The following TBL1X variants were observed in gnomAD, a reference collection of about 807,000 sequenced individuals.
The protein encoded by TBL1X is transducin beta like 1 X-linked, also known as F-box-like/WD repeat-containing protein TBL1X.
TBL1X carries 10 observed loss-of-function variants against 50.7 expected under a neutral mutation model. That is an observed-to-expected ratio of 0.20 (90% CI 0.12 to 0.33). TBL1X has a LOEUF of 0.33. Ranked by LOEUF, TBL1X falls within the 10% of genes least tolerant of loss-of-function variation. The probability of loss-of-function intolerance (pLI) is 1.00; values close to 1 mark genes in which losing one functional copy is unlikely to be tolerated. For missense variants in TBL1X, 340 were observed against 504.4 expected, an observed-to-expected ratio of 0.67 and a Z score of 3.12; for synonymous variants, 190 against 214.7, an observed-to-expected ratio of 0.88 and a Z score of 1.01.
intron 7 of TBL1X, among the ~76,000 whole-genome samples, chrX:9,690,950 G>T (rs1458586853): frequency 9.0e-6 from 1 of 110,812 alleles, no homozygotes. Context: ...TTGCTATGTT[G>T]CCCAGGCTGC....
intron 2 of TBL1X, among the ~76,000 whole-genome samples, chrX:9,591,266 C>T (rs1232082253): frequency 1.8e-5 from 2 of 111,567 alleles, no homozygotes; most frequent in African/African-American, 6.5e-5. Flanking sequence ...GTGCCTGTCC[C>T]CTCTGCAGAC....
chrX:9,498,772 C>A (rs1379464966), intron 1 of TBL1X, among the ~76,000 whole-genome samples: 1 of 112,445 alleles, frequency 8.9e-6, no homozygotes, highest in Non-Finnish European at 1.9e-5. Context: ...GGGAGTTTCC[C>A]TATTTGCAGT....
At chrX:9,592,823 ATACTAATCC>A (rs2082507936) in intron 2 of TBL1X, among the ~76,000 whole-genome samples, 2 of 112,512 alleles carry the variant, frequency 1.8e-5, no homozygotes, top group Admixed American at 1.9e-4. Context: ...TTGTGGCCGA[ATACTAATCC>A]GTTGTAGGGT....
intron 1 of TBL1X, among the ~76,000 whole-genome samples, chrX:9,480,776 T>C (rs1011188548): frequency 3.2e-3 from 161 of 50,618 alleles, no homozygotes; most frequent in Admixed American, 8.5e-3. Flanking sequence ...CCCGCCCTTA[T>C]TTTAATCTGG....
intron 1 of TBL1X, among the ~76,000 whole-genome samples, chrX:9,477,084 A>G (rs892475062): frequency 8.9e-6 from 1 of 112,352 alleles, no homozygotes; most frequent in Non-Finnish European, 1.9e-5. Context: ...GTTAGTTGAA[A>G]CAAGATATTG....
chrX:9,515,135 C>G (rs1180511608), intron 2 of TBL1X, among the ~76,000 whole-genome samples: 1 of 111,838 alleles, frequency 8.9e-6, no homozygotes, highest in Non-Finnish European at 1.9e-5. Context: ...AAAAATAACA[C>G]CCAACTTACT....
At chrX:9,705,219 C>T in intron 13 of TBL1X, 105 bp downstream of exon 13, 3 of 1,141,930 alleles carry the variant, frequency 2.6e-6, no homozygotes, top group Non-Finnish European at 3.5e-6. Context: ...CAGACCAGCT[C>T]TAATGTGCCC....
intron 2 of TBL1X, among the ~76,000 whole-genome samples, chrX:9,608,210 A>G (rs1228770731): frequency 2.7e-5 from 3 of 110,943 alleles, no homozygotes; most frequent in Admixed American, 9.6e-5. Flanking sequence ...TCACCACATC[A>G]TATCAAGGGT....
intron 1 of TBL1X, among the ~76,000 whole-genome samples, chrX:9,467,312 C>T (rs2081782223): frequency 8.9e-6 from 1 of 111,747 alleles, no homozygotes; most frequent in Admixed American, 9.5e-5. Flanking sequence ...TAGGAGCACA[C>T]CTCCGCTAGA....
intron 2 of TBL1X, among the ~76,000 whole-genome samples, chrX:9,561,294 C>T (rs1052687272): frequency 3.6e-5 from 4 of 111,766 alleles, no homozygotes; most frequent in East Asian, 2.8e-4. Context: ...ACAGGAGTTC[C>T]GCAGCGTCTT....
At chrX:9,598,282 C>T (rs755098272) in intron 2 of TBL1X, among the ~76,000 whole-genome samples, 136 of 112,084 alleles carry the variant, frequency 1.2e-3, no homozygotes, top group African/African-American at 4.3e-3. Flanking sequence ...AATTCATCTA[C>T]TGTTACTAGC....
chrX:9,527,025 C>T (rs1175144333), intron 2 of TBL1X, among the ~76,000 whole-genome samples: 1 of 111,818 alleles, frequency 8.9e-6, no homozygotes, highest in Non-Finnish European at 1.9e-5. Context: ...TTGGAGATTG[C>T]GTGGGATTTG....
intron 2 of TBL1X, among the ~76,000 whole-genome samples, chrX:9,503,430 G>A (rs2082011216): frequency 8.8e-6 from 1 of 113,282 alleles, no homozygotes; most frequent in Admixed American, 9.2e-5. Flanking sequence ...GGGGAGGGGT[G>A]ACCAGTACCA....
At chrX:9,574,444 G>C (rs767593130) in intron 2 of TBL1X, among the ~76,000 whole-genome samples, 1 of 81,075 alleles carries the variant, frequency 1.2e-5, no homozygotes, top group East Asian at 4.2e-4. Flanking sequence ...GACAGAGTGA[G>C]ACCCTGTCTC....
intron 1 of TBL1X, among the ~76,000 whole-genome samples, chrX:9,500,028 T>A (rs1177445198): frequency 1.8e-5 from 2 of 108,232 alleles, no homozygotes; most frequent in African/African-American, 6.7e-5. Flanking sequence ...CTCACACCTG[T>A]GATCCCAGTG....
chrX:9,479,938 A>ATGTGTGTGTGTGTGTGTGTGTG (rs112927270), intron 1 of TBL1X, among the ~76,000 whole-genome samples: 5,435 of 94,845 alleles, frequency 0.057, 214 homozygotes, highest in Middle Eastern at 0.11. Context: ...GGAAAGTAGA[A>ATGTGTGTGTGTGTGTGTGTGTG]TGTGTGTGTG....
At chrX:9,645,895 TATC>T (rs2082801824) in intron 3 of TBL1X, among the ~76,000 whole-genome samples, 1 of 111,924 alleles carries the variant, frequency 8.9e-6, no homozygotes, top group Admixed American at 9.5e-5. Flanking sequence ...ATTTGGGACA[TATC>T]ATAAATATCT....
At chrX:9,637,582 C>T (rs767625466) in intron 2 of TBL1X, 3 of 111,691 alleles carry the variant, frequency 2.7e-5, no homozygotes, top group Non-Finnish European at 5.6e-5. Context: ...AGGTATAATG[C>T]GTGTTATGGA....
At chrX:9,577,118 A>G (rs1446708234) in intron 2 of TBL1X, among the ~76,000 whole-genome samples, 3 of 111,677 alleles carry the variant, frequency 2.7e-5, no homozygotes, top group Admixed American at 9.5e-5. Context: ...CTGCCCATCA[A>G]TTAGTCTTTT....
Sources: allele counts gnomAD v4.1 joint callset (sites outside exome capture counted in the v4.1 genomes callset), GRCh38; gene constraint gnomAD v4.1.1; transcripts MANE v1.5; gene names NCBI Gene and HGNC (gene_info 2026-07-23, HGNC 2026-07-21).